Variants in PDE3A observed in about 807,000 individuals in gnomAD.
PDE3A encodes phosphodiesterase 3A, also known as cGMP-inhibited 3',5'-cyclic phosphodiesterase 3A.
A neutral mutation model predicts 98.3 loss-of-function variants in PDE3A; 43 were observed. The observed-to-expected ratio is 0.44, with a 90% CI of 0.34 to 0.56. PDE3A has a LOEUF of 0.56. Ranked by LOEUF, PDE3A falls within the 20% of genes least tolerant of loss-of-function variation. The pLI is 0.01. For missense variants in PDE3A, 1,427 were observed against 1,440.7 expected (o/e 0.99, Z 0.15); for synonymous variants, 663 against 567.9 (o/e 1.17, Z -2.38).
At chr12:20,374,702 G>A (rs1181469322) in intron 1 of PDE3A, among the ~76,000 whole-genome samples, 1 of 151,932 alleles carries the variant, frequency 6.6e-6, no homozygotes, top group African/African-American at 2.4e-5. Flanking sequence ...GTCAAGGTAG[G>A]ATGTTTATAA....
intron 1 of PDE3A, among the ~76,000 whole-genome samples, chr12:20,456,921 G>A (rs1411405136): frequency 1.3e-5 from 2 of 152,132 alleles, no homozygotes; most frequent in African/African-American, 4.8e-5. Flanking sequence ...TAAGCATTGA[G>A]ATGCTTTGTC....
intron 2 of PDE3A, among the ~76,000 whole-genome samples, chr12:20,580,648 TTCTC>T (rs1196830228): frequency 6.6e-6 from 1 of 152,216 alleles, no homozygotes. Flanking sequence ...TCTTTTCTGT[TTCTC>T]TTTCTATTGA....
At chr12:20,601,425 T>C (rs1190541740) in intron 2 of PDE3A, among the ~76,000 whole-genome samples, 2 of 152,108 alleles carry the variant, frequency 1.3e-5, no homozygotes, top group African/African-American at 4.8e-5. Context: ...ACCCATTGCA[T>C]ATGGGGCAGG....
intron 1 of PDE3A, among the ~76,000 whole-genome samples, chr12:20,402,033 C>G (rs1944141607): frequency 6.6e-6 from 1 of 152,178 alleles, no homozygotes; most frequent in Non-Finnish European, 1.5e-5. Context: ...AATTCACAGA[C>G]ATAGGTTCAG....
intron 15 of PDE3A, among the ~76,000 whole-genome samples, chr12:20,669,556 A>T (rs1945413898): frequency 6.6e-6 from 1 of 152,112 alleles, no homozygotes; most frequent in Admixed American, 6.6e-5. Flanking sequence ...AACATTCTTA[A>T]AGAAAAGAAT....
In PDE3A at chr12:20,400,399, T is replaced by G. The variant is rs1281235165; in HGVS notation, c.960+30155T>G. ...CATTGGTTTTTTTTTTTTTTTTTTT[T>G]TTTTTTTTTTTTTTTTTTTTTTTTT... On this transcript the variant is annotated intron_variant, in intron 1 of 15. Transcript: ENST00000359062. 9.9e-4 allele frequency among the ~76,000 whole-genome samples: 119 copies of G among 120,132 alleles called. 5 individuals are homozygous for G. The East Asian group carries it at 0.011, about 11-fold the overall frequency. 78.8% of individuals were successfully genotyped at this position (120,132 alleles called of 152,430 possible).
chr12:20,607,701 A>G (rs929603209), intron 2 of PDE3A, among the ~76,000 whole-genome samples: 45 of 151,810 alleles, frequency 3.0e-4, no homozygotes, highest in African/African-American at 1.1e-3. Flanking sequence ...AGAATGTTTT[A>G]TATTGCTTGG....
intron 5 of PDE3A, among the ~76,000 whole-genome samples, chr12:20,624,892 C>G (rs1944223744): frequency 6.6e-6 from 1 of 152,086 alleles, no homozygotes; most frequent in Admixed American, 6.5e-5. Context: ...TTTCCATAAA[C>G]TCCATGGAAA....
At chr12:20,460,895 G>T (rs1287948863) in intron 1 of PDE3A, among the ~76,000 whole-genome samples, 3 of 152,040 alleles carry the variant, frequency 2.0e-5, no homozygotes, top group Admixed American at 1.3e-4. Context: ...TCAGATCATG[G>T]ATGAATGCCA....
intron 2 of PDE3A, among the ~76,000 whole-genome samples, chr12:20,590,087 C>A (rs1376150293): frequency 6.6e-6 from 1 of 151,876 alleles, no homozygotes; most frequent in Non-Finnish European, 1.5e-5. Context: ...AATAGTTTTC[C>A]AAGTGCTCTA....
chr12:20,426,598 G>A (rs1944605631), intron 1 of PDE3A, among the ~76,000 whole-genome samples: 1 of 152,150 alleles, frequency 6.6e-6, no homozygotes, highest in Non-Finnish European at 1.5e-5. Context: ...ATAGTGTAGA[G>A]AAGACTAATA....
chr12:20,490,933 C>G (rs1039843745), intron 1 of PDE3A, among the ~76,000 whole-genome samples: 1 of 151,936 alleles, frequency 6.6e-6, no homozygotes, highest in South Asian at 2.1e-4. Flanking sequence ...AGTGAGACCC[C>G]GTCTGTACCA....
At chr12:20,386,070 AAAATATATATAAATATAT>A (rs1943768880) in intron 1 of PDE3A, among the ~76,000 whole-genome samples, 1 of 37,146 alleles carries the variant, frequency 2.7e-5, no homozygotes, top group Non-Finnish European at 4.7e-5. Flanking sequence ...AAATATATAT[AAAATATATATAAATATAT>A]AAATATATAT....
chr12:20,530,863 G>T (rs4561252), intron 1 of PDE3A, among the ~76,000 whole-genome samples: 101,415 of 152,004 alleles, frequency 0.67, 34,325 homozygotes, highest in Non-Finnish European at 0.73. Context: ...ACACCTCCAT[G>T]CAGTGTAAGT....
rs1292584197 is a variant in PDE3A, at chr12:20,370,177, C to G, written c.893C>G (p.Ala298Gly). Residue 298 changes from alanine (A) to glycine (G), a missense_variant, in exon 1 of 16, where the codon GCC (alanine) becomes GGC (glycine). Coordinates refer to ENST00000359062, the MANE Select transcript of PDE3A (RefSeq NM_000921.5). ...AGGCGGTCCAGCTCCGTCGTGTCCG[C>G]CGAGATGTCCGGCTGCAGCAGCAAG... ...RRRRSSSVVS[A>G]EMSGCSSKSH... 1 of 1,611,662 alleles carries G rather than the reference C, an allele frequency of 6.2e-7. No homozygotes were observed. The highest frequency in any genetic ancestry group is 8.5e-7 in the Non-Finnish European group (1 of 1,179,104).
At position 20,552,225 on chromosome 12, in the gene PDE3A, G is replaced by T. The variant is rs1291144374; in HGVS notation, c.961-4435G>T. On this transcript the variant is annotated intron_variant, in intron 1 of 15. Coordinates refer to ENST00000359062, the MANE Select transcript of PDE3A (RefSeq NM_000921.5). The surrounding 1 kb of genome is among the most constrained non-coding windows in gnomAD (Gnocchi z 5.1). ...CCAAGGACTGGCGGTCGGGGAAGCCGGTCAGGGTGGTGCGCAATGTCAAGG... is the reference window on the plus strand; with the variant it reads ...CCAAGGACTGGCGGTCGGGGAAGCCTGTCAGGGTGGTGCGCAATGTCAAGG... 23 of 1,613,848 alleles carry T rather than the reference G, an allele frequency of 1.4e-5. No individual in the cohort carries two copies. In the East Asian group the frequency reaches 4.5e-4, roughly 31 times the overall value.
rs1942244637 is a variant in PDE3A, at chr12:20,552,618, C to G, written c.961-4042C>G. The G allele has an allele frequency of 6.2e-7, 1 of 1,613,622 alleles. No individual in the cohort carries two copies. The highest frequency in any genetic ancestry group is 8.5e-7 in the Non-Finnish European group (1 of 1,179,792). On this transcript the variant is annotated intron_variant, in intron 1 of 15. Coordinates refer to ENST00000359062, the MANE Select transcript of PDE3A (RefSeq NM_000921.5). The surrounding 1 kb of genome is among the most constrained non-coding windows in gnomAD (Gnocchi z 5.1). Reference sequence around the variant, plus strand: ...GCCCGAGCAGGGCCGGGTCCCCGCGCCGGACATCCAAGAAAACCAAGGTGG... The same window carrying G: ...GCCCGAGCAGGGCCGGGTCCCCGCGGCGGACATCCAAGAAAACCAAGGTGG...
chr12:20,532,552 G>T (rs571814376), intron 1 of PDE3A, among the ~76,000 whole-genome samples: 1 of 152,216 alleles, frequency 6.6e-6, no homozygotes, highest in East Asian at 1.9e-4. Flanking sequence ...ATACAGATTG[G>T]CAACACCGAT....
rs1942241762 is a variant in PDE3A at position 20,552,542 on chromosome 12, C to T, written c.961-4118C>T. The T allele has an allele frequency of 1.9e-6, 3 of 1,613,274 alleles. No individual in the cohort carries two copies. The highest frequency in any genetic ancestry group is 4.5e-5 in the East Asian group (2 of 44,818). On this transcript the variant is annotated intron_variant, in intron 1 of 15. Transcript: ENST00000359062. The surrounding 1 kb of genome is among the most constrained non-coding windows in gnomAD (Gnocchi z 5.1). ...GAGGAGCAGCAGGAGGGGGGCTTCG[C>T]GTCCCCCAGGACGGGCAAGGGCAAG...
Sources: allele counts gnomAD v4.1 joint callset (sites outside exome capture counted in the v4.1 genomes callset), GRCh38; gene constraint gnomAD v4.1.1; non-coding constraint Gnocchi (gnomAD v3.1); transcripts MANE v1.5; gene names NCBI Gene and HGNC (gene_info 2026-07-23, HGNC 2026-07-21).